Variants in STAG2 observed in about 807,000 individuals in gnomAD.
The protein encoded by STAG2 is cohesin subunit SA-2.
A neutral mutation model predicts 108.1 loss-of-function variants in STAG2; 14 were observed. The observed-to-expected ratio is 0.13, with a 90% confidence interval of 0.09 to 0.20. The LOEUF (loss-of-function observed/expected upper bound fraction) is 0.20, where lower values mean the gene tolerates loss of function less well. STAG2 is among the 10% of genes least tolerant of loss of function. STAG2 has a pLI of 1.00. For synonymous variants in STAG2, 307 were observed against 302.7 expected, an observed-to-expected ratio of 1.01 and a Z score of -0.15; for missense variants, 440 against 940.9, an observed-to-expected ratio of 0.47 and a Z score of 6.96.
At chrX:124,095,052 C>A (rs755185847) in intron 33 of STAG2, among the ~76,000 whole-genome samples, 1 of 110,642 alleles carries the variant, frequency 9.0e-6, no homozygotes, top group African/African-American at 3.3e-5. Context: ...CTCAGCCTCC[C>A]GAGTAGCTGG....
At chrX:124,022,917 T>TGTA (rs1162453973) in intron 3 of STAG2, among the ~76,000 whole-genome samples, 7 of 112,374 alleles carry the variant, frequency 6.2e-5, no homozygotes, top group Non-Finnish European at 1.3e-4. Flanking sequence ...TTTTTTGTTG[T>TGTA]GTAGTTCTGA....
intron 5 of STAG2, among the ~76,000 whole-genome samples, chrX:124,036,476 C>T (rs1569509525): frequency 9.0e-6 from 1 of 111,658 alleles, no homozygotes; most frequent in East Asian, 2.8e-4. Flanking sequence ...CCTTCATCTC[C>T]CGGGTTCAAG....
chrX:124,028,816 ATATATATT>A lies in STAG2; in HGVS notation c.124-2143_124-2136del, dbSNP rs1384774952. Among the ~76,000 whole-genome samples, 363 of 81,723 alleles carry A rather than the reference ATATATATT, an allele frequency of 4.4e-3. 4 individuals carry two copies. The highest frequency in any genetic ancestry group is 0.013 in the African/African-American group (236 of 18,141). 71.0% of individuals were successfully genotyped at this position (81,723 alleles called of 115,157 possible). On this transcript the variant is annotated intron_variant, in intron 4 of 34. Coordinates refer to ENST00000371145, the MANE Select transcript of STAG2 (RefSeq NM_001042750.2). ...AGTTTATATATATATATATATATAT[ATATATATT>A]TTTTTTTTTATAGAGATGGGGTCTC...
intron 5 of STAG2, among the ~76,000 whole-genome samples, chrX:124,036,701 C>T (rs34664058): frequency 0.034 from 3,719 of 110,326 alleles, 61 homozygotes; most frequent in Non-Finnish European, 0.048. Flanking sequence ...TCAGTTTTGT[C>T]GTTGCCTCTC....
At chrX:124,076,598 T>C (rs1241877963) in intron 26 of STAG2, 127 bp downstream of exon 26, 5 of 677,586 alleles carry the variant, frequency 7.4e-6, no homozygotes, top group Admixed American at 9.7e-5. Flanking sequence ...TTAAAATATT[T>C]AGTGTTTTCA....
chrX:124,011,731 A>G (rs898354559), intron 1 of STAG2, among the ~76,000 whole-genome samples: 1 of 111,121 alleles, frequency 9.0e-6, no homozygotes, highest in Non-Finnish European at 1.9e-5. Context: ...ATCACATGGC[A>G]ATGGGACTGA....
Position 124,061,700 on chromosome X carries a change from A to G in STAG2, c.1535-71A>G, listed in dbSNP as rs1481988487. On this transcript the variant is annotated intron_variant, in intron 16 of 34. Coordinates refer to ENST00000371145, the MANE Select transcript of STAG2 (RefSeq NM_001042750.2). ...CAGAAGAAACTGTTATGTAATAATTACAAGTGGCATATAGGGAGAAGAAAT... is the reference window on the plus strand; with the variant it reads ...CAGAAGAAACTGTTATGTAATAATTGCAAGTGGCATATAGGGAGAAGAAAT... The G allele has an allele frequency of 1.0e-4, 80 of 793,761 alleles. No homozygotes were observed. The Middle Eastern group carries it at 1.3e-3, about 13-fold the overall frequency. 65.4% of individuals were successfully genotyped at this position (793,761 alleles called of 1,213,427 possible).
At chrX:124,045,934 A>T (rs2057862524) in intron 8 of STAG2, among the ~76,000 whole-genome samples, 1 of 110,598 alleles carries the variant, frequency 9.0e-6, no homozygotes, top group African/African-American at 3.3e-5. Flanking sequence ...TCACACTGCA[A>T]AAAATTGATT....
intron 1 of STAG2, among the ~76,000 whole-genome samples, chrX:123,991,004 G>T (rs970556312): frequency 8.9e-6 from 1 of 112,042 alleles, no homozygotes; most frequent in Non-Finnish European, 1.9e-5. Flanking sequence ...ACTTTCTGGT[G>T]CCCTGAGGCT....
At chrX:124,018,666 G>A (rs2056819148) in intron 1 of STAG2, among the ~76,000 whole-genome samples, 1 of 110,108 alleles carries the variant, frequency 9.1e-6, no homozygotes, top group Non-Finnish European at 1.9e-5. Flanking sequence ...ATGCCCGGCT[G>A]ATTTTTTGAT....
intron 4 of STAG2, among the ~76,000 whole-genome samples, chrX:124,026,173 A>G (rs2057097895): frequency 1.2e-5 from 1 of 86,415 alleles, no homozygotes; most frequent in Non-Finnish European, 2.3e-5. Flanking sequence ...ATAATAATAC[A>G]TTTCCAGTAG....
intron 1 of STAG2, among the ~76,000 whole-genome samples, chrX:124,006,883 C>T (rs1487960516): frequency 8.9e-6 from 1 of 111,765 alleles, no homozygotes; most frequent in Non-Finnish European, 1.9e-5. Flanking sequence ...TATCTTGATT[C>T]TTAGGGTCAT....
At chrX:124,022,382 AAAAAG>A (rs1178456652) in intron 2 of STAG2, 144 bp from the exon 3 acceptor site, 44 of 279,101 alleles carry the variant, frequency 1.6e-4, no homozygotes, top group East Asian at 1.0e-3. Flanking sequence ...AAAAAAAAAA[AAAAAG>A]AAAGCAGTCA....
At chrX:124,027,255 G>A (rs1028864136) in intron 4 of STAG2, among the ~76,000 whole-genome samples, 6 of 111,585 alleles carry the variant, frequency 5.4e-5, no homozygotes, top group African/African-American at 1.3e-4. Context: ...AAAACATCAC[G>A]TTTAATGTAT....
intron 1 of STAG2, among the ~76,000 whole-genome samples, chrX:123,970,095 A>G (rs2054291990): frequency 9.2e-6 from 1 of 108,200 alleles, no homozygotes; most frequent in Non-Finnish European, 1.9e-5. Flanking sequence ...TTTCATAGCC[A>G]TGAGTCAAAT....
At chrX:123,977,832 G>GT (rs35569156) in intron 1 of STAG2, among the ~76,000 whole-genome samples, 7,110 of 38,582 alleles carry the variant, frequency 0.18, 1,829 homozygotes, top group Non-Finnish European at 0.25. Flanking sequence ...GTTCCCAAGT[G>GT]TTTTTTTTTT....
chrX:124,020,393 A>G (rs1289395298), intron 1 of STAG2, among the ~76,000 whole-genome samples: 2 of 112,163 alleles, frequency 1.8e-5, no homozygotes, highest in African/African-American at 6.5e-5. Context: ...CGTCTAGATG[A>G]CCTGACCTGT....
chrX:124,095,073 G>A (rs1033559774), intron 33 of STAG2, among the ~76,000 whole-genome samples: 1 of 110,680 alleles, frequency 9.0e-6, no homozygotes, highest in Non-Finnish European at 1.9e-5. Flanking sequence ...GACTGCAGGC[G>A]CCCGCAACCA....
At chrX:123,988,724 A>C (rs1478862171) in intron 1 of STAG2, among the ~76,000 whole-genome samples, 2 of 111,747 alleles carry the variant, frequency 1.8e-5, no homozygotes, top group African/African-American at 6.5e-5. Flanking sequence ...ATCTGTGAGT[A>C]CTACTACAAG....
Sources: allele counts gnomAD v4.1 joint callset (sites outside exome capture counted in the v4.1 genomes callset), GRCh38; gene constraint gnomAD v4.1.1; transcripts MANE v1.5; gene names NCBI Gene and HGNC (gene_info 2026-07-23, HGNC 2026-07-21).